Variants in EIF4G3 observed in about 807,000 individuals in gnomAD.
The protein encoded by EIF4G3 is eIF-4-gamma 3.
Under a neutral mutation model 186.4 loss-of-function variants are expected in EIF4G3, and 34 were observed. The ratio of observed to expected loss-of-function variants is 0.18; its 90% CI spans 0.14 to 0.24. The LOEUF is 0.24. Among genes scored for constraint, EIF4G3 ranks in the 10% least tolerant of loss-of-function variants. EIF4G3 has a pLI of 1.00. For missense variants in EIF4G3, 1,536 were observed against 1,948.5 expected (o/e 0.79, Z 3.99); for synonymous variants, 673 against 679.5 (o/e 0.99, Z 0.15).
intron 7 of EIF4G3, among the ~76,000 whole-genome samples, chr1:20,996,852 A>G (rs1331935081): frequency 6.6e-6 from 1 of 152,220 alleles, no homozygotes; most frequent in South Asian, 2.1e-4. Flanking sequence ...CTCTTTCAGC[A>G]GAAGAAAATG....
At chr1:20,825,071 A>C in intron 33 of EIF4G3, 29 bp downstream of exon 33, 1 of 1,481,740 alleles carries the variant, frequency 6.7e-7, no homozygotes, top group Non-Finnish European at 9.3e-7. Flanking sequence ...AACTACTATC[A>C]AACAGCAAAA....
intron 2 of EIF4G3, among the ~76,000 whole-genome samples, chr1:21,165,620 T>C (rs2097843656): frequency 2.0e-5 from 3 of 151,998 alleles, no homozygotes; most frequent in South Asian, 4.2e-4. Flanking sequence ...AAGTTCAAAA[T>C]AGGCAGATAT....
intron 14 of EIF4G3, among the ~76,000 whole-genome samples, chr1:20,905,858 ATAAACACAAAGC>A (rs1356848424): frequency 6.6e-6 from 1 of 152,146 alleles, no homozygotes; most frequent in Non-Finnish European, 1.5e-5. Flanking sequence ...CCAAAAGCAA[ATAAACACAAAGC>A]TAAAGGGTAT....
chr1:20,899,742 A>G lies in EIF4G3; in HGVS notation c.1954T>C (p.Ser652Pro). The change falls in exon 16 of 37, where the codon TCC becomes CCC. Residue 652 changes from serine to proline, a missense_variant. By Grantham distance (74) the Ser-to-Pro change is moderately conservative. Around this residue, in one of 11 missense-constraint regions of EIF4G3, gnomAD observed 560 missense variants for 547.8 expected, o/e 1.02. Transcript: ENST00000602326. ...EGEGIDANSG[S>P]TDSSGDGVTF... The stretch of plus-strand genomic sequence containing the variant: ...ACCCCATCACCAGAACTATCTGTGG[A>G]GCCTGAATTAGCATCTATTCCTTCA... 1 of 1,614,180 alleles carries G rather than the reference A, an allele frequency of 6.2e-7. No individual in the cohort carries two copies. The highest frequency in any genetic ancestry group is 8.5e-7 in the Non-Finnish European group (1 of 1,180,014).
intron 2 of EIF4G3, among the ~76,000 whole-genome samples, chr1:21,155,578 C>T (rs2097645402): frequency 6.6e-6 from 1 of 152,092 alleles, no homozygotes; most frequent in Non-Finnish European, 1.5e-5. Context: ...CACCTCTAAT[C>T]TCAGCCACTT....
At chr1:20,944,521 A>T (rs1261190568) in intron 13 of EIF4G3, among the ~76,000 whole-genome samples, 1 of 151,350 alleles carries the variant, frequency 6.6e-6, no homozygotes, top group African/African-American at 2.4e-5. Flanking sequence ...TCTCAAAATG[A>T]AAAAGGGAAA....
intron 2 of EIF4G3, among the ~76,000 whole-genome samples, chr1:21,095,790 T>C (rs942380195): frequency 6.6e-6 from 1 of 150,964 alleles, no homozygotes; most frequent in Admixed American, 6.6e-5. Context: ...TTTAGAAACA[T>C]ACAAACAAAA....
chr1:21,143,745 C>T (rs1244928172), intron 2 of EIF4G3, among the ~76,000 whole-genome samples: 1 of 152,062 alleles, frequency 6.6e-6, no homozygotes, highest in African/African-American at 2.4e-5. Flanking sequence ...ATGGCAAAAC[C>T]CCATCTCTAC....
At chr1:20,973,365 G>C (rs1284204150) in intron 10 of EIF4G3, among the ~76,000 whole-genome samples, 2 of 152,172 alleles carry the variant, frequency 1.3e-5, no homozygotes, top group African/African-American at 4.8e-5. Flanking sequence ...CCACACCACA[G>C]TTGTCTTTCT....
intron 7 of EIF4G3, among the ~76,000 whole-genome samples, chr1:20,996,256 G>A (rs758647034): frequency 2.6e-5 from 4 of 152,154 alleles, no homozygotes; most frequent in Non-Finnish European, 4.4e-5. Context: ...CTAAGGTGGA[G>A]AGCAGTAAAT....
intron 20 of EIF4G3, among the ~76,000 whole-genome samples, chr1:20,875,816 G>A (rs750882541): frequency 2.0e-5 from 3 of 152,128 alleles, no homozygotes; most frequent in Non-Finnish European, 4.4e-5. Context: ...GGAAGCTGAG[G>A]TGGGAGGATC....
At chr1:21,138,034 G>A (rs750791651) in intron 2 of EIF4G3, among the ~76,000 whole-genome samples, 9 of 152,140 alleles carry the variant, frequency 5.9e-5, no homozygotes, top group Non-Finnish European at 1.0e-4. Flanking sequence ...CTACTTTTCT[G>A]AATTAACTGA....
At chr1:20,971,628 CCTCA>C (rs996370434) in intron 11 of EIF4G3, among the ~76,000 whole-genome samples, 3 of 152,092 alleles carry the variant, frequency 2.0e-5, no homozygotes, top group African/African-American at 4.8e-5. Flanking sequence ...AAGTCTTGAA[CCTCA>C]CTATTATTTT....
At chr1:20,972,771 A>G (rs2076151658) in intron 11 of EIF4G3, among the ~76,000 whole-genome samples, 2 of 152,214 alleles carry the variant, frequency 1.3e-5, no homozygotes. Flanking sequence ...GTCATGTAGC[A>G]AACCTAGCTC....
chr1:21,150,049 C>T (rs1237675728), intron 2 of EIF4G3, among the ~76,000 whole-genome samples: 2 of 152,254 alleles, frequency 1.3e-5, no homozygotes, highest in Non-Finnish European at 2.9e-5. Flanking sequence ...TATGGAAATT[C>T]TTCCACAAGA....
chr1:20,919,036 T>C (rs968345642), intron 14 of EIF4G3, among the ~76,000 whole-genome samples: 1 of 152,206 alleles, frequency 6.6e-6, no homozygotes, highest in Non-Finnish European at 1.5e-5. Flanking sequence ...TTTCCTTTTT[T>C]TGTTTTTGGT....
intron 30 of EIF4G3, among the ~76,000 whole-genome samples, chr1:20,829,725 C>A (rs1183361912): frequency 6.6e-6 from 1 of 152,182 alleles, no homozygotes; most frequent in African/African-American, 2.4e-5. Context: ...ACACAAAAAT[C>A]TGTGTCCTTG....
chr1:20,828,322 G>A (rs771777372), intron 31 of EIF4G3, among the ~76,000 whole-genome samples: 3 of 151,972 alleles, frequency 2.0e-5, no homozygotes, highest in South Asian at 2.1e-4. Context: ...AAGCTATTGC[G>A]TCTGGCCATA....
chr1:21,098,892 C>A (rs2096452591), intron 2 of EIF4G3, among the ~76,000 whole-genome samples: 1 of 152,178 alleles, frequency 6.6e-6, no homozygotes, highest in African/African-American at 2.4e-5. Context: ...CTGCCTTAGC[C>A]TTCCAAAGTG....
Sources: allele counts gnomAD v4.1 joint callset (sites outside exome capture counted in the v4.1 genomes callset), GRCh38; gene constraint gnomAD v4.1.1; regional missense constraint gnomAD v4.1.1; transcripts MANE v1.5; gene names NCBI Gene and HGNC (gene_info 2026-07-23, HGNC 2026-07-21).